The following HOPX variants were observed in gnomAD, a reference collection of about 807,000 sequenced individuals.
HOPX encodes the protein homeodomain-only protein.
Under a neutral mutation model 11.8 loss-of-function variants are expected in HOPX, and 5 were observed. That is an observed-to-expected ratio of 0.43 (90% confidence interval 0.22 to 0.89). The LOEUF (loss-of-function observed/expected upper bound fraction) is 0.89. Ranked by LOEUF, HOPX falls within the 40% of genes least tolerant of loss-of-function variation. The pLI, the probability that HOPX is intolerant of heterozygous loss-of-function variation, is 0.28. For missense variants in HOPX, 119 were observed against 120.0 expected, an observed-to-expected ratio of 0.99 and a Z score of 0.04; for synonymous variants, 49 against 49.7, an observed-to-expected ratio of 0.99 and a Z score of 0.06.
chr4:56,664,820 A>G (rs1332592032), intron 1 of HOPX: 1 of 152,166 alleles, frequency 6.6e-6, no homozygotes, highest in Non-Finnish European at 1.5e-5. Flanking sequence ...CCTCTCATCT[A>G]TTAATGAGGA....
chr4:56,661,004 A>C (rs1455839512), intron 1 of HOPX, among the ~76,000 whole-genome samples: 3 of 152,094 alleles, frequency 2.0e-5, no homozygotes, highest in Non-Finnish European at 4.4e-5. Context: ...CTCAGGTTGG[A>C]GTGCAGTGGT....
intron 1 of HOPX, among the ~76,000 whole-genome samples, chr4:56,670,196 G>T (rs1252920788): frequency 6.6e-6 from 1 of 152,108 alleles, no homozygotes; most frequent in Non-Finnish European, 1.5e-5. Flanking sequence ...AACAAAAACG[G>T]CTTGTCCTAG....
intron 3 of HOPX, chr4:56,650,186 C>T (rs536808601): frequency 7.9e-4 from 123 of 155,770 alleles, no homozygotes; most frequent in Non-Finnish European, 1.6e-3. Context: ...AATAGAGCAC[C>T]AATCATCTGT....
intron 3 of HOPX, chr4:56,650,980 G>C: frequency 1.8e-6 from 1 of 565,530 alleles, no homozygotes. Context: ...AGCTCTGTGG[G>C]GGGTTTCAAG....
At chr4:56,665,414 CA>C (rs1718376338) in intron 1 of HOPX, 1 of 152,244 alleles carries the variant, frequency 6.6e-6, no homozygotes, top group African/African-American at 2.4e-5. Flanking sequence ...GGCTGTTGAA[CA>C]GAACCTAAAC....
At chr4:56,650,620 C>A in intron 3 of HOPX, 1 of 1,526,574 alleles carries the variant, frequency 6.6e-7, no homozygotes, top group East Asian at 2.5e-5. Flanking sequence ...CTACACCTCA[C>A]CCACCTGTAC....
intron 1 of HOPX, chr4:56,665,117 A>T (rs1718359592): frequency 6.6e-6 from 1 of 152,102 alleles, no homozygotes; most frequent in Admixed American, 6.6e-5. Flanking sequence ...CCCGACGCCC[A>T]GCTGATTTTC....
chr4:56,681,481 T>A (rs1719322937), upstream of HOPX: 1 of 995,212 alleles, frequency 1.0e-6, no homozygotes, highest in African/African-American at 1.7e-5. Flanking sequence ...AGGTTTGATG[T>A]TCAGGCTGGG....
At chr4:56,678,848 C>G (rs1047042588) in intron 1 of HOPX, 13 of 152,100 alleles carry the variant, frequency 8.5e-5, no homozygotes, top group African/African-American at 2.9e-4. Flanking sequence ...AGTCTATGAT[C>G]CTTACTGTCT....
At chr4:56,669,235 G>C (rs564609228) in intron 1 of HOPX, among the ~76,000 whole-genome samples, 13 of 152,248 alleles carry the variant, frequency 8.5e-5, no homozygotes, top group African/African-American at 3.1e-4. Context: ...CTCTGCTCCT[G>C]ATTTGCTGAA....
At chr4:56,674,178 A>T (rs1718883969) in intron 1 of HOPX, among the ~76,000 whole-genome samples, 1 of 151,622 alleles carries the variant, frequency 6.6e-6, no homozygotes, top group South Asian at 2.1e-4. Context: ...GCCATCTCCA[A>T]AGATGCTAGT....
intron 1 of HOPX, among the ~76,000 whole-genome samples, chr4:56,673,609 C>G (rs1027992573): frequency 6.6e-6 from 1 of 152,192 alleles, no homozygotes; most frequent in Admixed American, 6.5e-5. Context: ...TTGACCTCCA[C>G]GACATCCTTC....
intron 1 of HOPX, chr4:56,679,769 C>T (rs1578369467): frequency 6.6e-6 from 1 of 152,210 alleles, no homozygotes; most frequent in African/African-American, 2.4e-5. Flanking sequence ...TGGGCCACCG[C>T]ACCCAGCCAC....
chr4:56,648,682 G>T lies in HOPX; in HGVS notation c.*38C>A, dbSNP rs563416226. 40 of 1,438,426 alleles carry T rather than the reference G, an allele frequency of 2.8e-5. No homozygotes were observed. Among genetic ancestry groups the T allele is most frequent in the South Asian group, 2.0e-4 (17 of 83,930 alleles). 89.1% of individuals were successfully genotyped at this position (1,438,426 alleles called of 1,614,324 possible). A position where few individuals can be genotyped will look rare whatever the true frequency, so the allele number is the denominator to read the frequency against. ...TAAGCGGAGGAGAGAAACAGAGATG[G>T]CCTTCATGGAGTGAAGCTGTCAATG... On this transcript the variant is annotated 3_prime_UTR_variant, in exon 4 of 4. Transcript: ENST00000420433.
At chr4:56,659,816 T>A (rs1718001633) in intron 1 of HOPX, among the ~76,000 whole-genome samples, 1 of 152,226 alleles carries the variant, frequency 6.6e-6, no homozygotes, top group East Asian at 1.9e-4. Context: ...ATGCTGTATA[T>A]CATCTTAACA....
At chr4:56,653,249 G>A (rs760637020) in intron 3 of HOPX, among the ~76,000 whole-genome samples, 11 of 151,908 alleles carry the variant, frequency 7.2e-5, no homozygotes, top group African/African-American at 2.4e-4. Flanking sequence ...GATGGGCAGC[G>A]TCTTGCCATG....
At chr4:56,663,783 C>A (rs1173796962) in intron 1 of HOPX, 1 of 145,736 alleles carries the variant, frequency 6.9e-6, no homozygotes, top group Non-Finnish European at 1.5e-5. Flanking sequence ...CCGCGCCCTG[C>A]CTGATGTGTG....
intron 3 of HOPX, 112 bp from the exon 4 acceptor site, chr4:56,648,909 A>C: frequency 1.3e-6 from 1 of 776,332 alleles, no homozygotes; most frequent in Non-Finnish European, 2.1e-6. Flanking sequence ...AGAATCAAGG[A>C]ATGTTCCCAT....
intron 1 of HOPX, among the ~76,000 whole-genome samples, chr4:56,677,143 G>A (rs983045993): frequency 1.3e-5 from 2 of 151,746 alleles, no homozygotes; most frequent in African/African-American, 4.9e-5. Flanking sequence ...TAACCTTAAG[G>A]TGGCTCTCCA....
Sources: gnomAD v4.1 joint callset for allele counts (sites outside exome capture counted in the v4.1 genomes callset) on GRCh38, gnomAD v4.1.1 for gene constraint, MANE v1.5 for transcripts, NCBI Gene and HGNC (gene_info 2026-07-23, HGNC 2026-07-21) for gene names.